CEP83: variants seen among roughly 807,000 people sequenced by gnomAD.
The protein encoded by CEP83 is centrosomal protein 83.
A neutral mutation model predicts 101.9 loss-of-function variants in CEP83; 70 were observed. The ratio of observed to expected loss-of-function variants is 0.69; its 90% CI spans 0.57 to 0.84. CEP83 has a LOEUF of 0.84. Ranked by LOEUF, CEP83 falls within the 40% of genes least tolerant of loss-of-function variation. The probability of loss-of-function intolerance (pLI) is 0.00; values close to 1 mark genes in which losing one functional copy is unlikely to be tolerated. For missense variants in CEP83, 715 were observed against 787.2 expected (o/e 0.91, Z 1.10); for synonymous variants, 264 against 267.9 (o/e 0.99, Z 0.14).
At chr12:94,347,078 CACACACACACACACAT>C (rs1380571101) in intron 11 of CEP83, among the ~76,000 whole-genome samples, 4 of 132,062 alleles carry the variant, frequency 3.0e-5, no homozygotes, top group South Asian at 2.3e-4. Flanking sequence ...TACACATACA[CACACACACACACACAT>C]ACACACACAC....
At chr12:94,387,564 A>C (rs757236539) in intron 6 of CEP83, among the ~76,000 whole-genome samples, 3 of 152,146 alleles carry the variant, frequency 2.0e-5, no homozygotes, top group Non-Finnish European at 4.4e-5. Context: ...AATTACAACA[A>C]AGACAAAAAG....
chr12:94,456,644 T>C (rs1029810911), intron 1 of CEP83, among the ~76,000 whole-genome samples: 4 of 152,116 alleles, frequency 2.6e-5, no homozygotes, highest in African/African-American at 9.7e-5. Flanking sequence ...CAAACACTTA[T>C]AAAACCACCA....
At chr12:94,339,889 C>T (rs1019887110) in intron 11 of CEP83, among the ~76,000 whole-genome samples, 1 of 152,182 alleles carries the variant, frequency 6.6e-6, no homozygotes, top group Non-Finnish European at 1.5e-5. Flanking sequence ...CAAAGACATG[C>T]CACAGCCCTG....
chr12:94,287,177 G>C, the CEP83 span, among the ~76,000 whole-genome samples: 1 of 152,214 alleles, frequency 6.6e-6, no homozygotes, highest in Non-Finnish European at 1.5e-5. Context: ...CTGTTCCAGT[G>C]TCATTCTGTC....
At chr12:94,366,010 T>TAG (rs1222798510) in intron 11 of CEP83, among the ~76,000 whole-genome samples, 3 of 152,064 alleles carry the variant, frequency 2.0e-5, no homozygotes, top group Non-Finnish European at 4.4e-5. Flanking sequence ...GTAGGAAGTC[T>TAG]AAACCAGAAA....
intron 15 of CEP83, 90 bp downstream of exon 15, chr12:94,312,824 T>TAAAAA: frequency 8.0e-7 from 1 of 1,248,668 alleles, no homozygotes; most frequent in East Asian, 2.9e-5. Flanking sequence ...ATGTATATTT[T>TAAAAA]AAAAGAAAAG....
At chr12:94,380,892 C>T (rs879411167) in intron 6 of CEP83, among the ~76,000 whole-genome samples, 6 of 152,152 alleles carry the variant, frequency 3.9e-5, no homozygotes, top group Non-Finnish European at 8.8e-5. Context: ...TGTGTGATAG[C>T]TGAAGTGATA....
intron 1 of CEP83, among the ~76,000 whole-genome samples, chr12:94,435,624 C>A (rs547338732): frequency 6.6e-6 from 1 of 152,310 alleles, no homozygotes; most frequent in Admixed American, 6.5e-5. Context: ...TTATATCCCC[C>A]TTCTACTACC....
chr12:94,329,345 C>G (rs1197830286), intron 14 of CEP83, among the ~76,000 whole-genome samples: 1 of 152,062 alleles, frequency 6.6e-6, no homozygotes, highest in East Asian at 1.9e-4. Flanking sequence ...CAGCTCTTTG[C>G]AATCTTGAAC....
rs143405291 is a variant in CEP83 at position 94,396,564 on chromosome 12, A to G, written c.549+4286T>C. ...CAGCCTCCCCAAGTGCTGGGATTAC[A>G]AATATGAGGCACCACACCTGGCCAA... is the stretch of plus-strand genomic sequence containing the variant. On this transcript the variant is annotated intron_variant, in intron 6 of 16. Coordinates refer to ENST00000397809, the MANE Select transcript of CEP83 (RefSeq NM_016122.3). Among the ~76,000 whole-genome samples, 3 of 152,228 alleles carry G rather than the reference A, an allele frequency of 2.0e-5. No homozygotes were observed. The East Asian group carries it at 5.8e-4, about 29-fold the overall frequency.
At chr12:94,280,578 C>T in the CEP83 span, among the ~76,000 whole-genome samples, 1 of 152,204 alleles carries the variant, frequency 6.6e-6, no homozygotes, top group Non-Finnish European at 1.5e-5. Flanking sequence ...GCTGCTAAGG[C>T]ACCCCTCTTC....
At chr12:94,288,852 A>G in the CEP83 span, among the ~76,000 whole-genome samples, 3 of 152,256 alleles carry the variant, frequency 2.0e-5, no homozygotes, top group Admixed American at 2.0e-4. Flanking sequence ...TCAGCAGAAA[A>G]GGTGATTTCA....
At chr12:94,450,474 G>A (rs966260064) in intron 1 of CEP83, among the ~76,000 whole-genome samples, 3 of 152,090 alleles carry the variant, frequency 2.0e-5, no homozygotes, top group Non-Finnish European at 4.4e-5. Context: ...AGATGGTCTC[G>A]ATCTCCTGAC....
intron 6 of CEP83, among the ~76,000 whole-genome samples, chr12:94,393,839 CAG>C (rs2062718365): frequency 6.6e-6 from 1 of 152,134 alleles, no homozygotes; most frequent in Admixed American, 6.6e-5. Flanking sequence ...AACGGACAAA[CAG>C]AGAGCCAAAT....
chr12:94,454,909 T>G (rs1346429547), intron 1 of CEP83, among the ~76,000 whole-genome samples: 1 of 151,962 alleles, frequency 6.6e-6, no homozygotes, highest in Non-Finnish European at 1.5e-5. Context: ...ACGCGCCACC[T>G]TTAAGAGCTG....
the CEP83 span, among the ~76,000 whole-genome samples, chr12:94,278,416 T>G: frequency 1.3e-5 from 2 of 152,278 alleles, no homozygotes; most frequent in Non-Finnish European, 2.9e-5. Context: ...AAACTTGGAA[T>G]TGCTTTTCAG....
At chr12:94,416,139 T>C (rs559884161) in intron 2 of CEP83, among the ~76,000 whole-genome samples, 13 of 152,164 alleles carry the variant, frequency 8.5e-5, no homozygotes, top group African/African-American at 3.1e-4. Context: ...TTAGAAAATA[T>C]GTAGTACTAA....
chr12:94,363,758 G>A (rs1269157181), intron 11 of CEP83, among the ~76,000 whole-genome samples: 1 of 151,976 alleles, frequency 6.6e-6, no homozygotes, highest in Middle Eastern at 3.2e-3. Flanking sequence ...AGACCAGCCT[G>A]GCCAACATGG....
the CEP83 span, among the ~76,000 whole-genome samples, chr12:94,274,909 A>G: frequency 6.6e-6 from 1 of 152,242 alleles, no homozygotes; most frequent in African/African-American, 2.4e-5. Flanking sequence ...ACAAATACAC[A>G]CACGTCATTT....
Sources: gnomAD v4.1 joint callset for allele counts (sites outside exome capture counted in the v4.1 genomes callset) on GRCh38, gnomAD v4.1.1 for gene constraint, MANE v1.5 for transcripts, NCBI Gene and HGNC (gene_info 2026-07-23, HGNC 2026-07-21) for gene names.